The following SGF29 variants were observed in gnomAD, a reference collection of about 807,000 sequenced individuals.
SGF29 encodes the protein SAGA-associated factor 29.
SGF29 carries 15 observed loss-of-function variants against 38.1 expected under a neutral mutation model. That is an observed-to-expected ratio of 0.39 (90% CI 0.26 to 0.61). The LOEUF (loss-of-function observed/expected upper bound fraction) is 0.61, where lower values mean the gene tolerates loss of function less well. Among genes scored for constraint, SGF29 ranks in the 20% least tolerant of loss-of-function variants. SGF29 has a pLI of 0.49. For synonymous variants in SGF29, 151 were observed against 160.8 expected (o/e 0.94, Z 0.46); for missense variants, 184 against 394.6 (o/e 0.47, Z 4.52).
At chr16:28,568,234 A>T (rs1450511743) in intron 1 of SGF29, among the ~76,000 whole-genome samples, 1 of 147,908 alleles carries the variant, frequency 6.8e-6, no homozygotes, top group Non-Finnish European at 1.5e-5. Flanking sequence ...AATTGCTTGA[A>T]TCCGGGAGGT....
At chr16:28,588,038 G>A (rs1174314947) in intron 4 of SGF29, among the ~76,000 whole-genome samples, 1 of 151,996 alleles carries the variant, frequency 6.6e-6, no homozygotes, top group African/African-American at 2.4e-5. Context: ...GACCTCAAGT[G>A]ATCCTCCTGC....
intron 1 of SGF29, among the ~76,000 whole-genome samples, chr16:28,555,742 C>T (rs981060965): frequency 1.3e-5 from 2 of 152,206 alleles, no homozygotes; most frequent in Non-Finnish European, 2.9e-5. Flanking sequence ...ATCAGTTTGA[C>T]ACATAAAGTT....
At chr16:28,578,161 G>A (rs2046905929) in intron 1 of SGF29, among the ~76,000 whole-genome samples, 1 of 151,392 alleles carries the variant, frequency 6.6e-6, no homozygotes, top group South Asian at 2.1e-4. Context: ...GGCCACAATT[G>A]AGTTTTGTTT....
intron 2 of SGF29, among the ~76,000 whole-genome samples, chr16:28,583,072 CA>C (rs2046935812): frequency 6.6e-6 from 1 of 152,256 alleles, no homozygotes; most frequent in African/African-American, 2.4e-5. Context: ...CCCAGACTCC[CA>C]TCTCACCCGT....
At chr16:28,577,251 C>G (rs546651422) in intron 1 of SGF29, among the ~76,000 whole-genome samples, 1 of 151,838 alleles carries the variant, frequency 6.6e-6, no homozygotes, top group African/African-American at 2.4e-5. Flanking sequence ...GGTGGGGTGG[C>G]CATGTACCAT....
rs2046725978 is a variant in SGF29, at chr16:28,553,981, C to T, written c.-132C>T. 1 of 152,288 alleles carries T rather than the reference C, an allele frequency of 6.6e-6. No homozygotes were observed. The highest frequency in any genetic ancestry group is 1.9e-4 in the East Asian group (1 of 5,238). The allele number at this position is 152,288 out of a possible 1,614,324, so 9.4% of individuals were successfully genotyped here. On this transcript the variant is annotated 5_prime_UTR_variant, in exon 1 of 10. Transcript: ENST00000317058. Reference sequence around the variant, plus strand: ...AGCGTGTGCGGTTCTCGACGTGCCGCCAATCTTCGAACGCAGGTCTGTGAT... The same window carrying T: ...AGCGTGTGCGGTTCTCGACGTGCCGTCAATCTTCGAACGCAGGTCTGTGAT...
At position 28,570,780 on chromosome 16, in the gene SGF29, G is replaced by A. The variant is rs540148989; in HGVS notation, c.-15-10275G>A. Among the ~76,000 whole-genome samples, 257 of 152,044 alleles carry A rather than the reference G, an allele frequency of 1.7e-3. 1 individual carries two copies. Among genetic ancestry groups the A allele is most frequent in the South Asian group, 7.1e-3 (34 of 4,814 alleles). Reference sequence around the variant, plus strand: ...TTTAGTAGAGACAGGGTTTCACCATGTTGGCCAGGCTGGTCTTGAACTCCT... The same window carrying A: ...TTTAGTAGAGACAGGGTTTCACCATATTGGCCAGGCTGGTCTTGAACTCCT... On this transcript the variant is annotated intron_variant, in intron 1 of 9. Transcript: ENST00000317058.
chr16:28,585,143 G>A (rs1175593320), intron 3 of SGF29, 155 bp downstream of exon 3: 1 of 605,010 alleles, frequency 1.7e-6, no homozygotes, highest in Non-Finnish European at 2.9e-6. Flanking sequence ...CGTTAATCTG[G>A]GTGACCTGAA....
At chr16:28,568,594 GT>G (rs150072875) in intron 1 of SGF29, among the ~76,000 whole-genome samples, 57,813 of 149,734 alleles carry the variant, frequency 0.39, 12,276 homozygotes, top group Non-Finnish European at 0.46. Context: ...TTAAGGGGTG[GT>G]TGGGGGGGGC....
At chr16:28,572,795 G>C (rs1336467652) in intron 1 of SGF29, among the ~76,000 whole-genome samples, 1 of 152,040 alleles carries the variant, frequency 6.6e-6, no homozygotes, top group African/African-American at 2.4e-5. Flanking sequence ...GTGTCGCTGG[G>C]TATGATCCAG....
At chr16:28,575,931 G>A (rs888796896) in intron 1 of SGF29, among the ~76,000 whole-genome samples, 1 of 152,116 alleles carries the variant, frequency 6.6e-6, no homozygotes, top group Non-Finnish European at 1.5e-5. Context: ...GATTGGTTGA[G>A]CTCAGGAATT....
At chr16:28,581,232 G>A (rs2046923981) in intron 2 of SGF29, 88 bp downstream of exon 2, 3 of 1,248,426 alleles carry the variant, frequency 2.4e-6, no homozygotes, top group Non-Finnish European at 2.3e-6. Context: ...TGTTCAGAGA[G>A]ATTGGACTCG....
chr16:28,590,262 A>C lies in SGF29; in HGVS notation c.420-34A>C. Reference sequence around the variant, plus strand: ...AGCTGCGAGGGAGGGGCTGGTGCCCAGGGGCTGGGACTGACCCTTTGTTCC... The same window carrying C: ...AGCTGCGAGGGAGGGGCTGGTGCCCCGGGGCTGGGACTGACCCTTTGTTCC... On this transcript the variant is annotated intron_variant, in intron 6 of 9. Coordinates refer to ENST00000317058, the MANE Select transcript of SGF29 (RefSeq NM_138414.3). The surrounding 1 kb of genome is among the most constrained non-coding windows in gnomAD (Gnocchi z 8.2). 6.2e-7 allele frequency: 1 copy of C among 1,608,322 alleles called. No homozygotes were observed. The highest frequency in any genetic ancestry group is 8.5e-7 in the Non-Finnish European group (1 of 1,177,668).
chr16:28,567,370 G>A (rs367613368), intron 1 of SGF29, among the ~76,000 whole-genome samples: 10 of 152,296 alleles, frequency 6.6e-5, no homozygotes, highest in South Asian at 2.1e-4. Flanking sequence ...ACCAGATGCC[G>A]AATCTGCTGG....
chr16:28,569,791 G>A (rs2046854337), intron 1 of SGF29, among the ~76,000 whole-genome samples: 1 of 152,218 alleles, frequency 6.6e-6, no homozygotes, highest in Non-Finnish European at 1.5e-5. Flanking sequence ...AAGGCATGTG[G>A]GGGCTGTCAC....
chr16:28,590,345 A>G lies in SGF29; in HGVS notation c.469A>G (p.Arg157Gly). 6.2e-7 allele frequency: 1 copy of G among 1,613,534 alleles called. No homozygotes were observed. The highest frequency in any genetic ancestry group is 8.5e-7 in the Non-Finnish European group (1 of 1,179,710). The change falls in exon 7 of 10, where the codon AGA becomes GGA. Residue 157 changes from arginine to glycine, a missense_variant. Arg to Gly is a moderately radical substitution (Grantham distance 125). This residue lies in a region of SGF29 where 107 missense variants were observed against 276.9 expected (regional missense o/e 0.39). Coordinates refer to ENST00000317058, the MANE Select transcript of SGF29 (RefSeq NM_138414.3). This position sits in a 1 kb window ranked among gnomAD's most constrained non-coding sequence, Gnocchi z 8.2. ...AIPASGDYVA[R>G]PGDKVAARVK... Reference sequence around the variant, plus strand: ...CCCTGCCTCAGGAGACTACGTGGCCAGACCTGGAGACAAGGTGGCTGCCCG... The same window carrying G: ...CCCTGCCTCAGGAGACTACGTGGCCGGACCTGGAGACAAGGTGGCTGCCCG...
At chr16:28,567,233 G>A (rs911718783) in intron 1 of SGF29, among the ~76,000 whole-genome samples, 5 of 152,156 alleles carry the variant, frequency 3.3e-5, no homozygotes, top group African/African-American at 1.2e-4. Flanking sequence ...TGTTCAACCA[G>A]TGAGTGAGTA....
chr16:28,554,233 A>AG (rs902412744), intron 1 of SGF29, 136 bp downstream of exon 1: 9 of 17,066 alleles, frequency 5.3e-4, no homozygotes, highest in African/African-American at 2.2e-3. Flanking sequence ...TCTGGGCGGG[A>AG]GGGGGGCGGG....
At chr16:28,564,786 T>TATAC (rs1567286284) in intron 1 of SGF29, among the ~76,000 whole-genome samples, 5 of 110,370 alleles carry the variant, frequency 4.5e-5, no homozygotes, top group Non-Finnish European at 7.5e-5. Context: ...TATATATATA[T>TATAC]ACACACACAC....
Sources: allele counts gnomAD v4.1 joint callset (sites outside exome capture counted in the v4.1 genomes callset), GRCh38; gene constraint gnomAD v4.1.1; regional missense constraint gnomAD v4.1.1; non-coding constraint Gnocchi (gnomAD v3.1); transcripts MANE v1.5; gene names NCBI Gene and HGNC (gene_info 2026-07-23, HGNC 2026-07-21).